Variants in MCF2L observed in about 807,000 individuals in gnomAD.
MCF2L encodes the protein guanine nucleotide exchange factor DBS.
In MCF2L, 97 loss-of-function variants were observed where a neutral mutation model predicts 153.4. The observed-to-expected ratio is 0.63, with a 90% CI of 0.54 to 0.75. The LOEUF is 0.75. MCF2L is among the 30% of genes least tolerant of loss of function. MCF2L has a pLI of 0.00. For missense variants in MCF2L, 1,347 were observed against 1,495.2 expected, an observed-to-expected ratio of 0.90 and a Z score of 1.64; for synonymous variants, 659 against 632.2, an observed-to-expected ratio of 1.04 and a Z score of -0.64.
At chr13:113,044,243 G>C (rs546878902) in intron 3 of MCF2L, 1 of 251,890 alleles carries the variant, frequency 4.0e-6, no homozygotes, top group East Asian at 8.8e-5. Flanking sequence ...TTCACGGCCA[G>C]ATGCAGACAG....
intron 2 of MCF2L, among the ~76,000 whole-genome samples, chr13:112,959,710 A>T (rs765252341): frequency 1.3e-5 from 2 of 152,188 alleles, no homozygotes; most frequent in African/African-American, 2.4e-5. Flanking sequence ...TGTTGGCAAG[A>T]GGGATGTCAA....
At chr13:112,895,004 C>T (rs1402984529) in intron 1 of MCF2L, among the ~76,000 whole-genome samples, 2 of 151,930 alleles carry the variant, frequency 1.3e-5, no homozygotes, top group Non-Finnish European at 2.9e-5. Flanking sequence ...CATCTGCCTG[C>T]TTGTCCCGGG....
rs77463858 is a variant in MCF2L at position 113,033,291 on chromosome 13, T to G, written c.278+8533T>G. On this transcript the variant is annotated intron_variant, in intron 3 of 29. Coordinates refer to ENST00000535094, the MANE Select transcript of MCF2L (RefSeq NM_001112732.3). ...GTGGCGTGAGTGGCCCCTGTGACAT[T>G]AGTGGACCCCGTGGCGTGAGTGGCC... Among the ~76,000 whole-genome samples the G allele has an allele frequency of 5.7e-3, 167 of 29,326 alleles. 6 individuals are homozygous for G. The highest frequency in any genetic ancestry group is 0.013 in the East Asian group (8 of 616). The allele number at this position is 29,326 out of a possible 152,430, so 19.2% of individuals were successfully genotyped here. A position where few individuals can be genotyped will look rare whatever the true frequency, so the allele number is the denominator to read the frequency against.
intron 2 of MCF2L, among the ~76,000 whole-genome samples, chr13:112,921,698 C>T (rs1161379393): frequency 6.6e-6 from 1 of 152,170 alleles, no homozygotes; most frequent in Non-Finnish European, 1.5e-5. Context: ...ATGAATAATA[C>T]AGGAACACTG....
Position 113,098,222 on chromosome 13 carries a change from C to T in MCF2L, c.*1363C>T, listed in dbSNP as rs2035789222. ...GCTGCATTCCCCTCACGCTACCCTC[C>T]CAGCGGCTTGTAGCCGTCACTGGCC... On this transcript the variant is annotated 3_prime_UTR_variant, in exon 30 of 30. Transcript: ENST00000535094. 1 of 152,590 alleles carries T rather than the reference C, an allele frequency of 6.6e-6. No homozygotes were observed. Among genetic ancestry groups the T allele is most frequent in the Non-Finnish European group, 1.5e-5 (1 of 68,058 alleles). The allele number at this position is 152,590 out of a possible 1,614,324, so 9.5% of individuals were successfully genotyped here.
rs1490827132 is a variant in MCF2L, at chr13:112,960,862, A to T, written c.170-53901A>T. Among the ~76,000 whole-genome samples, 1 of 151,840 alleles carries T rather than the reference A, an allele frequency of 6.6e-6. No homozygotes were observed. The highest frequency in any genetic ancestry group is 6.6e-5 in the Admixed American group (1 of 15,248). Reference sequence around the variant, plus strand: ...GCTGCCCTGCTGGAAGGACCCTGGGATGACCCTGGATCTCCTGGATAGCCC... The same window carrying T: ...GCTGCCCTGCTGGAAGGACCCTGGGTTGACCCTGGATCTCCTGGATAGCCC... On this transcript the variant is annotated intron_variant, in intron 2 of 29. Coordinates refer to the MCF2L transcript ENST00000375608. This position sits in a 1 kb window ranked among gnomAD's most constrained non-coding sequence, Gnocchi z 4.2.
chr13:113,033,525 T>G (rs1017671275), intron 3 of MCF2L, among the ~76,000 whole-genome samples: 5 of 152,152 alleles, frequency 3.3e-5, no homozygotes, highest in Admixed American at 2.6e-4. Flanking sequence ...TGGTCCCCAC[T>G]GTTTCCCTGT....
chr13:113,026,799 G>A (rs1040301302), intron 3 of MCF2L: 12 of 607,486 alleles, frequency 2.0e-5, no homozygotes, highest in Non-Finnish European at 3.3e-5. Flanking sequence ...GCAGTTTTTT[G>A]TTTTGTTCCA....
chr13:112,946,272 TC>T (rs1338054943), intron 2 of MCF2L, among the ~76,000 whole-genome samples: 12 of 139,660 alleles, frequency 8.6e-5, no homozygotes, highest in Middle Eastern at 7.1e-3. Context: ...AGATAATGTT[TC>T]TCCCTTTCTG....
At chr13:113,085,502 C>T (rs1016353598) in intron 20 of MCF2L, among the ~76,000 whole-genome samples, 6 of 152,174 alleles carry the variant, frequency 3.9e-5, no homozygotes, top group African/African-American at 7.2e-5. Context: ...GGACGTGGGG[C>T]GGCCTAGACT....
intron 2 of MCF2L, among the ~76,000 whole-genome samples, chr13:112,952,610 C>A (rs78577939): frequency 0.44 from 66,391 of 151,418 alleles, 14,629 homozygotes; most frequent in South Asian, 0.49. Flanking sequence ...TTGTTTGGGG[C>A]ATATCTGGTG....
chr13:113,084,838 G>C, intron 18 of MCF2L, 54 bp from the exon 19 acceptor site: 1 of 1,372,410 alleles, frequency 7.3e-7, no homozygotes, highest in African/African-American at 1.4e-5. Flanking sequence ...CCCTCACCGC[G>C]TGATGCGCTG....
Position 112,943,559 on chromosome 13 carries a change from A to G in MCF2L, c.169+41188A>G, listed in dbSNP as rs2081599568. On this transcript the variant is annotated intron_variant, in intron 2 of 29. Transcript: ENST00000375608. This position sits in a 1 kb window ranked among gnomAD's most constrained non-coding sequence, Gnocchi z 4.2. ...GCTGCGCCTGCAGCACCGCAGCCAG[A>G]GCCGAGACTCCGCGCCTTTCAAGGA... Among the ~76,000 whole-genome samples the G allele has an allele frequency of 1.3e-5, 2 of 151,892 alleles. No homozygotes were observed. Among genetic ancestry groups the G allele is most frequent in the Admixed American group, 6.6e-5 (1 of 15,266 alleles).
At chr13:113,081,948 G>C (rs1406894105) in intron 16 of MCF2L, among the ~76,000 whole-genome samples, 1 of 150,264 alleles carries the variant, frequency 6.7e-6, no homozygotes, top group Non-Finnish European at 1.5e-5. Flanking sequence ...TCACCTGAGT[G>C]TAGACAGCGA....
chr13:112,900,322 G>A (rs537212751), intron 1 of MCF2L, among the ~76,000 whole-genome samples: 2 of 152,236 alleles, frequency 1.3e-5, no homozygotes, highest in East Asian at 1.9e-4. Context: ...GCAGGTGCCC[G>A]GACAAGGTGG....
chr13:113,035,193 G>T lies in MCF2L; in HGVS notation c.279-10078G>T, dbSNP rs758503518. Among the ~76,000 whole-genome samples, 1 of 152,160 alleles carries T rather than the reference G, an allele frequency of 6.6e-6. No individual in the cohort carries two copies. Among genetic ancestry groups the T allele is most frequent in the Non-Finnish European group, 1.5e-5 (1 of 68,036 alleles). On this transcript the variant is annotated intron_variant, in intron 3 of 29. Coordinates refer to ENST00000535094, the MANE Select transcript of MCF2L (RefSeq NM_001112732.3). The surrounding 1 kb of genome is among the most constrained non-coding windows in gnomAD (Gnocchi z 4.4). ...TTTGGAAAAATGTTGAAACTGGGGC[G>T]GCTTCTCTGGGTGACTCTGACGCTC...
chr13:113,077,341 C>A, intron 13 of MCF2L, 130 bp downstream of exon 13: 1 of 1,111,126 alleles, frequency 9.0e-7, no homozygotes, highest in Non-Finnish European at 1.2e-6. Flanking sequence ...CTTCCACCTC[C>A]GGGCCCCAGT....
chr13:113,027,442 G>C lies in MCF2L; in HGVS notation c.278+2684G>C, dbSNP rs1227330387. On this transcript the variant is annotated intron_variant, in intron 3 of 29. Coordinates refer to ENST00000535094, the MANE Select transcript of MCF2L (RefSeq NM_001112732.3). The surrounding 1 kb of genome is among the most constrained non-coding windows in gnomAD (Gnocchi z 4.8). ...AGGACGTCTTGGTGGGCAGAAAGAA[G>C]GGGGCTCGTGACTGACTATGGTCAA... Among the ~76,000 whole-genome samples, 2 of 152,186 alleles carry C rather than the reference G, an allele frequency of 1.3e-5. No homozygotes were observed. Among genetic ancestry groups the C allele is most frequent in the Non-Finnish European group, 2.9e-5 (2 of 68,030 alleles).
intron 2 of MCF2L, among the ~76,000 whole-genome samples, chr13:112,912,318 A>T (rs1291705547): frequency 3.3e-5 from 5 of 150,870 alleles, no homozygotes; most frequent in African/African-American, 1.2e-4. Context: ...CTATTAATTT[A>T]TTCCTTTTTT....
Sources: allele counts gnomAD v4.1 joint callset (sites outside exome capture counted in the v4.1 genomes callset), GRCh38; gene constraint gnomAD v4.1.1; non-coding constraint Gnocchi (gnomAD v3.1); transcripts MANE v1.5; gene names NCBI Gene and HGNC (gene_info 2026-07-23, HGNC 2026-07-21).